The following ADAM22 variants were observed in gnomAD, a reference collection of about 807,000 sequenced individuals.
ADAM22 encodes disintegrin and metalloproteinase domain-containing protein 22.
In ADAM22, 65 loss-of-function variants were observed where a neutral mutation model predicts 144.6. The ratio of observed to expected loss-of-function variants is 0.45; its 90% CI spans 0.37 to 0.55. The LOEUF is 0.55. Among genes scored for constraint, ADAM22 ranks in the 20% least tolerant of loss-of-function variants. The probability of loss-of-function intolerance (pLI) is 0.00; values close to 1 mark genes in which losing one functional copy is unlikely to be tolerated. For synonymous variants in ADAM22, 391 were observed against 412.6 expected (o/e 0.95, Z 0.63); for missense variants, 974 against 1,184.9 (o/e 0.82, Z 2.61).
chr7:87,953,035 C>G (rs1845665888), intron 2 of ADAM22, among the ~76,000 whole-genome samples: 1 of 151,624 alleles, frequency 6.6e-6, no homozygotes, highest in Admixed American at 6.6e-5. Context: ...ATCTCTTTTT[C>G]TTTATTAGTC....
chr7:88,088,130 G>C (rs1005235433), intron 4 of ADAM22, among the ~76,000 whole-genome samples: 17 of 152,116 alleles, frequency 1.1e-4, no homozygotes, highest in African/African-American at 3.4e-4. Flanking sequence ...TTTTACTCTG[G>C]TGGTAGTATA....
At chr7:88,113,969 G>A (rs1180294782) in intron 5 of ADAM22, among the ~76,000 whole-genome samples, 1 of 151,486 alleles carries the variant, frequency 6.6e-6, no homozygotes, top group Non-Finnish European at 1.5e-5. Flanking sequence ...AAATAATTTG[G>A]CAAGTTACTT....
chr7:87,938,220 T>C (rs1249765698), intron 2 of ADAM22, among the ~76,000 whole-genome samples: 1 of 139,920 alleles, frequency 7.1e-6, no homozygotes, highest in Non-Finnish European at 1.5e-5. Context: ...TTTTTTTTTT[T>C]TTTTTTTTTT....
chr7:87,944,816 G>GTTTTTT (rs11311070), intron 2 of ADAM22, among the ~76,000 whole-genome samples: 3 of 127,020 alleles, frequency 2.4e-5, no homozygotes, highest in Admixed American at 8.1e-5. Context: ...GGAAACTTGT[G>GTTTTTT]TTTTTTTTTT....
chr7:87,980,278 C>T (rs1852993511), intron 3 of ADAM22, among the ~76,000 whole-genome samples: 1 of 46,222 alleles, frequency 2.2e-5, no homozygotes, highest in Non-Finnish European at 3.7e-5. Flanking sequence ...GAGAAACATG[C>T]ACTGTGCTCT....
intron 3 of ADAM22, among the ~76,000 whole-genome samples, chr7:87,994,609 C>CT (rs904533761): frequency 2.2e-4 from 33 of 149,336 alleles, no homozygotes; most frequent in South Asian, 4.3e-4. Context: ...TTAAAGTGTT[C>CT]TTTTTTTTTT....
intron 2 of ADAM22, among the ~76,000 whole-genome samples, chr7:87,963,487 C>G (rs1637502): frequency 0.53 from 80,911 of 152,004 alleles, 21,880 homozygotes; most frequent in African/African-American, 0.55. Flanking sequence ...TGTGCCTGGC[C>G]TTTTTCCTTT....
intron 2 of ADAM22, among the ~76,000 whole-genome samples, chr7:87,957,824 C>T (rs558291720): frequency 1.2e-4 from 18 of 152,186 alleles, no homozygotes; most frequent in African/African-American, 4.1e-4. Flanking sequence ...CTCAGGTGAT[C>T]TGCCCACCTC....
chr7:88,015,634 T>C (rs905304848), intron 3 of ADAM22, among the ~76,000 whole-genome samples: 26 of 152,208 alleles, frequency 1.7e-4, no homozygotes, highest in African/African-American at 6.0e-4. Flanking sequence ...TAAATGTCTT[T>C]TTACCAAAGC....
intron 7 of ADAM22, among the ~76,000 whole-genome samples, chr7:88,122,854 T>C (rs1829624604): frequency 1.3e-5 from 2 of 152,202 alleles, no homozygotes; most frequent in South Asian, 4.1e-4. Flanking sequence ...TCTCCATGAC[T>C]CTTGGCTCTG....
chr7:87,934,437 C>T lies in ADAM22; in HGVS notation c.-29C>T, dbSNP rs1223637105. The T allele has an allele frequency of 2.0e-5, 32 of 1,575,126 alleles. No homozygotes were observed. Among genetic ancestry groups the T allele is most frequent in the Non-Finnish European group, 2.6e-5 (30 of 1,165,748 alleles). The stretch of plus-strand genomic sequence containing the variant: ...GGCGCCGGCATGAGGAGCTGAGCGT[C>T]TCGGGCGAGGCGGGCTGACGGCAGC... On this transcript the variant is annotated 5_prime_UTR_variant, in exon 1 of 32. Coordinates refer to ENST00000413139, the MANE Select transcript of ADAM22 (RefSeq NM_001324418.2).
chr7:88,057,681 G>A (rs189843789), intron 3 of ADAM22, among the ~76,000 whole-genome samples: 1 of 152,280 alleles, frequency 6.6e-6, no homozygotes, highest in Admixed American at 6.5e-5. Context: ...AGTTTGTCTA[G>A]GTGTGATTAC....
rs554431630 is a variant in ADAM22, at chr7:88,105,365, T to A, written c.391-2811T>A. On this transcript the variant is annotated intron_variant, in intron 4 of 31. Transcript: ENST00000413139. ...ACTTATAGACAGAGTTCTGTCTTTA[T>A]CAGGTCATCTGTTGACTGTTGACCT... Among the ~76,000 whole-genome samples, 10 of 152,334 alleles carry A rather than the reference T, an allele frequency of 6.6e-5. No homozygotes were observed. In the South Asian group the frequency reaches 2.1e-3, roughly 32 times the overall value.
At chr7:88,118,233 C>A (rs540890953) in intron 7 of ADAM22, among the ~76,000 whole-genome samples, 1 of 152,280 alleles carries the variant, frequency 6.6e-6, no homozygotes, top group South Asian at 2.1e-4. Flanking sequence ...ATTGTCTCTT[C>A]ATCAGAAAAT....
chr7:88,127,295 C>T (rs1341103304), intron 8 of ADAM22, among the ~76,000 whole-genome samples: 1 of 151,828 alleles, frequency 6.6e-6, no homozygotes, highest in African/African-American at 2.4e-5. Context: ...TAGACAAAAC[C>T]TTGATTTCTC....
At chr7:87,999,987 T>TAAAAAA (rs201224958) in intron 3 of ADAM22, among the ~76,000 whole-genome samples, 1 of 132,056 alleles carries the variant, frequency 7.6e-6, no homozygotes. Context: ...AGCACATCTC[T>TAAAAAA]AAAAAAAAAA....
In ADAM22 at chr7:88,191,990, C is replaced by T. The variant is rs373788139; in HGVS notation, c.2751-1126C>T. Reference sequence around the variant, plus strand: ...CAGAACCAGAGCAAAGGATATTATACGCATGCAAACCAAAATTTAAAACAA... The same window carrying T: ...CAGAACCAGAGCAAAGGATATTATATGCATGCAAACCAAAATTTAAAACAA... On this transcript the variant is annotated intron_variant, in intron 30 of 31. Coordinates refer to ENST00000413139, the MANE Select transcript of ADAM22 (RefSeq NM_001324418.2). Among the ~76,000 whole-genome samples the T allele has an allele frequency of 1.8e-4, 28 of 152,232 alleles. 1 individual carries two copies. The highest frequency in any genetic ancestry group is 6.8e-3 in the Middle Eastern group (2 of 294).
intron 5 of ADAM22, among the ~76,000 whole-genome samples, chr7:88,110,117 T>A (rs1392992275): frequency 1.3e-5 from 2 of 152,228 alleles, no homozygotes; most frequent in Admixed American, 1.3e-4. Context: ...ATTTATTTAC[T>A]TTAAATACAT....
rs774201868 is a variant in ADAM22, at chr7:88,155,964, C to T, written c.1865C>T (p.Thr622Ile). The T allele has an allele frequency of 5.6e-5, 91 of 1,613,292 alleles. No individual in the cohort carries two copies. Among genetic ancestry groups the T allele is most frequent in the Non-Finnish European group, 7.4e-5 (87 of 1,179,586 alleles). ...PRLGELDGEI[T>I]STLVVQQGRT... is the part of the protein sequence containing the mutation. ...CTTGGAGAACTCGATGGTGAAATCA[C>T]ATCTACTTTAGTTGTGCAGCAAGGA... The change falls in exon 22 of 32, where the codon ACA becomes ATA. Residue 622 changes from threonine (T) to isoleucine (I), a missense_variant. Coordinates refer to ENST00000413139, the MANE Select transcript of ADAM22 (RefSeq NM_001324418.2).
Sources: allele counts gnomAD v4.1 joint callset (sites outside exome capture counted in the v4.1 genomes callset), GRCh38; gene constraint gnomAD v4.1.1; transcripts MANE v1.5; gene names NCBI Gene and HGNC (gene_info 2026-07-23, HGNC 2026-07-21).